Variants in CEP350 observed in about 807,000 individuals in gnomAD.
CEP350 encodes centrosomal protein 350, also known as centrosome-associated protein 350.
Under a neutral mutation model 331.8 loss-of-function variants are expected in CEP350, and 126 were observed. The ratio of observed to expected loss-of-function variants is 0.38; its 90% CI spans 0.33 to 0.44. The LOEUF (loss-of-function observed/expected upper bound fraction) is 0.44, where lower values mean the gene tolerates loss of function less well. Ranked by LOEUF, CEP350 falls within the 20% of genes least tolerant of loss-of-function variation. The pLI, the probability that CEP350 is intolerant of heterozygous loss-of-function variation, is 1.00. For synonymous variants in CEP350, 1,200 were observed against 1,259.5 expected, an observed-to-expected ratio of 0.95 and a Z score of 1.00; for missense variants, 3,406 against 3,634.6, an observed-to-expected ratio of 0.94 and a Z score of 1.62.
At chr1:180,050,976 G>A (rs1657462401) in intron 22 of CEP350, among the ~76,000 whole-genome samples, 1 of 152,206 alleles carries the variant, frequency 6.6e-6, no homozygotes, top group Non-Finnish European at 1.5e-5. Context: ...TGGTCACTGT[G>A]AAAGATAGTG....
chr1:179,973,885 C>G (rs911870672), intron 1 of CEP350, among the ~76,000 whole-genome samples: 18 of 151,946 alleles, frequency 1.2e-4, no homozygotes, highest in African/African-American at 4.4e-4. Context: ...AATTGTTCCT[C>G]TTTCTTTCTT....
In CEP350 at chr1:180,011,972, A is replaced by G. The variant is rs1481689802; in HGVS notation, c.1290A>G (p.Gln430=). ...LISTSSWRDG[Q]KLVKKILGPA... is the part of the protein sequence containing the mutation. ...GTACATCTTCTTGGCGAGATGGACAAAAATTAGTAAAGAAGATTCTGGGAC... is the reference window on the plus strand; with the variant it reads ...GTACATCTTCTTGGCGAGATGGACAGAAATTAGTAAAGAAGATTCTGGGAC... Residue 430 remains glutamine (Q), a synonymous_variant, in exon 9 of 38, where the codon CAA becomes CAG. Coordinates refer to ENST00000367607, the MANE Select transcript of CEP350 (RefSeq NM_014810.5). 6.2e-7 allele frequency: 1 copy of G among 1,600,860 alleles called. No individual in the cohort carries two copies. The highest frequency in any genetic ancestry group is 8.5e-7 in the Non-Finnish European group (1 of 1,172,776).
intron 9 of CEP350, among the ~76,000 whole-genome samples, chr1:180,013,581 GCTAT>G (rs1456254282): frequency 1.3e-5 from 2 of 152,038 alleles, no homozygotes; most frequent in African/African-American, 4.8e-5. Flanking sequence ...AACCATAAGA[GCTAT>G]CTTTTTTGTC....
At chr1:180,053,423 C>T (rs948030337) in intron 23 of CEP350, among the ~76,000 whole-genome samples, 1 of 152,166 alleles carries the variant, frequency 6.6e-6, no homozygotes. Context: ...GTACTTGCTT[C>T]ACTCTTCTAA....
At position 180,095,623 on chromosome 1, in the gene CEP350, A is replaced by C. The variant is rs1231215056; in HGVS notation, c.8612A>C (p.Gln2871Pro). ...REFLSALGDD[Q>P]DWFDEDFGLS... is the part of the protein sequence containing the mutation. Reference sequence around the variant, plus strand: ...TTCCTGAGCGCGTTAGGAGATGATCAAGACTGGTTTGATGAAGACTTTGGT... The same window carrying C: ...TTCCTGAGCGCGTTAGGAGATGATCCAGACTGGTTTGATGAAGACTTTGGT... The change falls in exon 35 of 38, where the codon CAA becomes CCA. Residue 2871 changes from glutamine to proline, a missense_variant. Physicochemically the swap from Gln to Pro is moderately conservative, Grantham distance 76. Around this residue, in one of 5 missense-constraint regions of CEP350, gnomAD observed 1,415 missense variants for 1,512.3 expected, o/e 0.94. Coordinates refer to ENST00000367607, the MANE Select transcript of CEP350 (RefSeq NM_014810.5). The C allele has an allele frequency of 6.2e-7, 1 of 1,613,844 alleles. No homozygotes were observed. Among genetic ancestry groups the C allele is most frequent in the Middle Eastern group, 1.6e-4 (1 of 6,084 alleles).
chr1:180,023,548 AATTATAATG>A (rs1388423946), intron 13 of CEP350, among the ~76,000 whole-genome samples: 1 of 152,194 alleles, frequency 6.6e-6, no homozygotes, highest in East Asian at 1.9e-4. Flanking sequence ...GAAAAACAAT[AATTATAATG>A]ATTATAACAT....
intron 11 of CEP350, among the ~76,000 whole-genome samples, chr1:180,016,336 T>C (rs1654971138): frequency 6.6e-6 from 1 of 152,230 alleles, no homozygotes; most frequent in Admixed American, 6.5e-5. Context: ...TAAAATTTCT[T>C]ATGTGTAAGA....
chr1:179,991,663 A>ATGTGTGTG (rs1197805256), intron 4 of CEP350, among the ~76,000 whole-genome samples: 8 of 64,410 alleles, frequency 1.2e-4, no homozygotes, highest in Admixed American at 3.7e-4. Context: ...ATGTATATAT[A>ATGTGTGTG]TATATGTGTG....
intron 13 of CEP350, 43 bp downstream of exon 13, chr1:180,022,891 A>G: frequency 6.6e-7 from 1 of 1,517,480 alleles, no homozygotes; most frequent in Non-Finnish European, 8.9e-7. Context: ...GAAGAGTGAG[A>G]AAAATGTACA....
chr1:179,960,686 G>A (rs913702224), intron 1 of CEP350, among the ~76,000 whole-genome samples: 1 of 151,958 alleles, frequency 6.6e-6, no homozygotes, highest in Non-Finnish European at 1.5e-5. Flanking sequence ...AGTAAATGAA[G>A]GTGGTGGTGT....
chr1:180,042,132 T>TCTCTCACACACACACACACA (rs1553258521), intron 19 of CEP350, among the ~76,000 whole-genome samples: 10 of 146,868 alleles, frequency 6.8e-5, no homozygotes, highest in African/African-American at 2.5e-4. Flanking sequence ...GAGTTTTCTC[T>TCTCTCACACACACACACACA]CACACACACA....
intron 31 of CEP350, among the ~76,000 whole-genome samples, chr1:180,085,343 A>G (rs1428798495): frequency 6.6e-6 from 1 of 152,062 alleles, no homozygotes; most frequent in African/African-American, 2.4e-5. Context: ...CAATTCAGTC[A>G]CTAGTTCTCA....
At chr1:180,027,485 C>T (rs1023454296) in intron 14 of CEP350, among the ~76,000 whole-genome samples, 14 of 152,086 alleles carry the variant, frequency 9.2e-5, no homozygotes, top group South Asian at 2.1e-4. Flanking sequence ...TCCTGGGCTC[C>T]ATCAGTCCTT....
At position 180,020,748 on chromosome 1, in the gene CEP350, A is replaced by C. The variant is rs1302422147; in HGVS notation, c.2974A>C (p.Ser992Arg). 1.2e-6 allele frequency: 2 copies of C among 1,613,886 alleles called. No individual in the cohort carries two copies. Among genetic ancestry groups the C allele is most frequent in the African/African-American group, 1.3e-5 (1 of 74,912 alleles). Residue 992 changes from serine (S) to arginine (R), a missense_variant, in exon 12 of 38, where the codon AGT becomes CGT. Physicochemically the swap from Ser to Arg is moderately radical, Grantham distance 110 (BLOSUM62 -1). Coordinates refer to ENST00000367607, the MANE Select transcript of CEP350 (RefSeq NM_014810.5). ...TGAAGGGCCTCTTCTTAGTGAGGGG[A>C]GTCTCTCTGAAGAAGAGGGAGACCA... ...VSEGPLLSEG[S>R]LSEEEGDQDG...
chr1:180,082,643 C>T (rs1055471472), intron 30 of CEP350, among the ~76,000 whole-genome samples: 2 of 152,136 alleles, frequency 1.3e-5, no homozygotes, highest in African/African-American at 4.8e-5. Context: ...TACTTAAAAA[C>T]ATAAACATTT....
At chr1:180,082,069 G>A (rs1310434970) in intron 30 of CEP350, among the ~76,000 whole-genome samples, 3 of 152,032 alleles carry the variant, frequency 2.0e-5, no homozygotes, top group South Asian at 2.1e-4. Flanking sequence ...CTTACTTACC[G>A]GTGACTTTCT....
rs985240086 is a variant in CEP350 at position 180,089,612 on chromosome 1, A to G, written c.6426-1102A>G. Reference sequence around the variant, plus strand: ...AAAAAAAAAAAAAGTAAACTTGATAAGTTAAAGTGCTAGATGGGGTAGCAA... The same window carrying G: ...AAAAAAAAAAAAAGTAAACTTGATAGGTTAAAGTGCTAGATGGGGTAGCAA... On this transcript the variant is annotated intron_variant, in intron 32 of 37. Coordinates refer to ENST00000367607, the MANE Select transcript of CEP350 (RefSeq NM_014810.5). 2.0e-5 allele frequency among the ~76,000 whole-genome samples: 3 copies of G among 152,100 alleles called. No homozygotes were observed. The East Asian group carries it at 5.8e-4, about 29-fold the overall frequency.
intron 26 of CEP350, among the ~76,000 whole-genome samples, chr1:180,063,085 G>A (rs1209538697): frequency 3.3e-5 from 5 of 151,924 alleles, no homozygotes; most frequent in African/African-American, 1.2e-4. Flanking sequence ...ATTAATGGGG[G>A]AGACTGTTTT....
intron 31 of CEP350, 135 bp downstream of exon 31, chr1:180,084,313 A>T (rs1006718872): frequency 1.3e-6 from 1 of 794,332 alleles, no homozygotes; most frequent in Non-Finnish European, 1.8e-6. Flanking sequence ...TATTCTCTTA[A>T]AAAAAATCTG....
Sources: gnomAD v4.1 joint callset for allele counts (sites outside exome capture counted in the v4.1 genomes callset) on GRCh38, gnomAD v4.1.1 for gene constraint, gnomAD v4.1.1 regional missense constraint, MANE v1.5 for transcripts, NCBI Gene and HGNC (gene_info 2026-07-23, HGNC 2026-07-21) for gene names.